The following APOL1 variants were observed in gnomAD, a reference collection of about 807,000 sequenced individuals.
APOL1 encodes the protein apolipoprotein L 1.
A neutral mutation model predicts 14.9 loss-of-function variants in APOL1; 17 were observed. The observed-to-expected ratio is 1.14, with a 90% CI of 0.78 to 1.71. The LOEUF (loss-of-function observed/expected upper bound fraction) is 1.71, where lower values mean the gene tolerates loss of function less well. Ranked by LOEUF, APOL1 falls within the 40% of genes most tolerant of loss-of-function variation. APOL1 has a pLI of 0.00. For synonymous variants in APOL1, 195 were observed against 184.8 expected (o/e 1.05, Z -0.45); for missense variants, 523 against 485.9 (o/e 1.08, Z -0.72).
chr22:36,255,498 T>G lies in APOL1; in HGVS notation c.44+499T>G, dbSNP rs2015843156. On this transcript the variant is annotated intron_variant, in intron 2 of 5. Transcript: ENST00000397278. ...AGCAAGAAGGGCCCAGACGCCCCTC[T>G]GCATACTCCCCTGGTGAACTGCTGC... 2.0e-5 allele frequency among the ~76,000 whole-genome samples: 3 copies of G among 152,006 alleles called. No homozygotes were observed. The South Asian group carries it at 6.2e-4, about 32-fold the overall frequency.
intron 4 of APOL1, chr22:36,259,782 A>C (rs1347374494): frequency 3.1e-6 from 4 of 1,304,004 alleles, no homozygotes; most frequent in Non-Finnish European, 3.0e-6. Context: ...TCCCGCCCCC[A>C]TGCCCCGTCG....
chr22:36,263,627 T>G (rs1249894318), intron 5 of APOL1, among the ~76,000 whole-genome samples: 2 of 152,254 alleles, frequency 1.3e-5, no homozygotes, highest in Non-Finnish European at 2.9e-5. Context: ...CGCTGTGTTC[T>G]CCTGTGTGAA....
In APOL1 at chr22:36,253,489, G is replaced by T. The variant is rs576682062; in HGVS notation, c.-20+270G>T. On this transcript the variant is annotated intron_variant, in intron 1 of 5. Transcript: ENST00000397278. ...ACGACTGAGTGAACCCAGAAGGAAGGTTTGTGTTGGGGGTGCCCATCTCTT... is the reference window on the plus strand; with the variant it reads ...ACGACTGAGTGAACCCAGAAGGAAGTTTTGTGTTGGGGGTGCCCATCTCTT... 9.8e-5 allele frequency among the ~76,000 whole-genome samples: 15 copies of T among 152,334 alleles called. No homozygotes were observed. The Middle Eastern group carries it at 0.027, about 276-fold the overall frequency.
chr22:36,265,560 G>T lies in APOL1; in HGVS notation c.724G>T (p.Asp242Tyr). 1 of 1,602,824 alleles carries T rather than the reference G, an allele frequency of 6.2e-7. No individual in the cohort carries two copies. Among genetic ancestry groups the T allele is most frequent in the African/African-American group, 1.3e-5 (1 of 74,702 alleles). The part of the protein sequence containing the change: ...KKWWTQAQAH[D>Y]LVIKSLDKLK... ...GTGGTGGACACAAGCCCAAGCCCAC[G>T]ACCTGGTCATCAAAAGCCTTGACAA... Residue 242 changes from aspartate (D) to tyrosine (Y), a missense_variant, in exon 6 of 6, where the codon GAC becomes TAC. Physicochemically the swap from Asp to Tyr is radical, Grantham distance 160. Transcript: ENST00000397278.
At chr22:36,265,034 A>C (rs949200325) in intron 5 of APOL1, 117 bp from the exon 6 acceptor site, 7 of 1,311,690 alleles carry the variant, frequency 5.3e-6, no homozygotes, top group Admixed American at 2.3e-5. Flanking sequence ...GATGGTCTCA[A>C]TCTCCTGACC....
chr22:36,261,214 G>T (rs946945776), intron 4 of APOL1, among the ~76,000 whole-genome samples: 1 of 152,228 alleles, frequency 6.6e-6, no homozygotes, highest in African/African-American at 2.4e-5. Flanking sequence ...GGTGCCAAAA[G>T]GGTTGGAGTC....
In APOL1 at chr22:36,257,098, C is replaced by T. The variant is rs1163460752; in HGVS notation, c.60C>T (p.Phe20=). The part of the protein sequence containing the change: ...SVLCIWMSAL[F]LGVGVRAEEA... ...ACCCCAACAGGATGAGTGCACTTTT[C>T]CTTGGTGTGGGAGTGAGGGCAGAGG... Residue 20 remains phenylalanine (F), a synonymous_variant, in exon 3 of 6, where the codon TTC becomes TTT. Transcript: ENST00000397278. 2.5e-6 allele frequency: 4 copies of T among 1,614,028 alleles called. No individual in the cohort carries two copies. Among genetic ancestry groups the T allele is most frequent in the Non-Finnish European group, 3.4e-6 (4 of 1,180,026 alleles).
intron 5 of APOL1, among the ~76,000 whole-genome samples, chr22:36,262,220 C>T (rs1289769505): frequency 6.6e-6 from 1 of 152,104 alleles, no homozygotes. Flanking sequence ...AATGTGTGTT[C>T]CTGGGGATGC....
rs757608622 is a variant in APOL1, at chr22:36,254,975, TGA to T, written c.24_25del (p.Arg8SerfsTer42). On this transcript the variant is annotated frameshift_variant, in exon 2 of 6. Transcript: ENST00000397278. LOFTEE classifies it high-confidence loss of function. ...AGCGACATGGAGGGAGCTGCTTTGC[TGA>T]GAGTCTCTGTCCTCTGCATCTGGTG... The T allele has an allele frequency of 5.6e-6, 9 of 1,614,078 alleles. No homozygotes were observed. Among genetic ancestry groups the T allele is most frequent in the Non-Finnish European group, 6.8e-6 (8 of 1,179,896 alleles).
At position 36,257,569 on chromosome 22, in the gene APOL1, G is replaced by T. The variant is rs983911709; in HGVS notation, c.187+162G>T. 13 of 722,468 alleles carry T rather than the reference G, an allele frequency of 1.8e-5. 1 individual carries two copies. In the South Asian group the frequency reaches 1.8e-4, roughly 10 times the overall value. The allele number at this position is 722,468 out of a possible 1,614,324, so 44.8% of individuals were successfully genotyped here. On this transcript the variant is annotated intron_variant, in intron 4 of 5. Transcript: ENST00000397278. ...TCACGTGGAGTCCCCCGACCCAGGG[G>T]TCTGGGGGTCATCTGCATCCTGACC...
chr22:36,257,401 G>A lies in APOL1; in HGVS notation c.181G>A (p.Asp61Asn). The A allele has an allele frequency of 1.9e-6, 3 of 1,613,958 alleles. No homozygotes were observed. The highest frequency in any genetic ancestry group is 2.5e-6 in the Non-Finnish European group (3 of 1,179,824). ...PLGDWAAGTM[D>N]PESSIFIEDA... ...CGGTGACTGGGCTGCTGGCACCATG[G>A]ACCCAGGTAGGCTCACCTCCTCTTC... Residue 61 changes from aspartate (D) to asparagine (N), a missense_variant, in exon 4 of 6, where the codon GAC becomes AAC. Asp to Asn is a conservative substitution (Grantham distance 23, BLOSUM62 1). Transcript: ENST00000397278.
At chr22:36,260,897 A>G (rs1407563151) in intron 4 of APOL1, among the ~76,000 whole-genome samples, 1 of 152,226 alleles carries the variant, frequency 6.6e-6, no homozygotes, top group Admixed American at 6.5e-5. Context: ...CTGCTTTTGA[A>G]CCAATAATTT....
chr22:36,265,986 A>G lies in APOL1; in HGVS notation c.1150A>G (p.Ile384Val), dbSNP rs373463596. The G allele has an allele frequency of 2.5e-6, 4 of 1,612,730 alleles. No homozygotes were observed. The highest frequency in any genetic ancestry group is 3.4e-6 in the Non-Finnish European group (4 of 1,179,830). Residue 384 changes from isoleucine (I) to valine (V), a missense_variant, in exon 6 of 6, where the codon ATT becomes GTT. Transcript: ENST00000397278. ...VAQELEEKLNILNNNYKILQA... is the reference protein window; with the variant it reads ...VAQELEEKLNVLNNNYKILQA... ...TCAGGAGCTGGAGGAGAAGCTAAAC[A>G]TTCTCAACAATAATTATAAGATTCT...
In APOL1 at chr22:36,260,670, A is replaced by G. The variant is rs572570508; in HGVS notation, c.188-926A>G. ...TTGAAACATGTGTGGGTGTGATTAC[A>G]GGGAGCAGTCCAGCCTCTGCTGGGA... is the stretch of plus-strand genomic sequence containing the variant. On this transcript the variant is annotated intron_variant, in intron 4 of 5. Transcript: ENST00000397278. Among the ~76,000 whole-genome samples, 7 of 152,350 alleles carry G rather than the reference A, an allele frequency of 4.6e-5. No homozygotes were observed. The East Asian group carries it at 1.4e-3, about 29-fold the overall frequency.
Position 36,267,434 on chromosome 22 carries a change from G to A in APOL1, c.*1401G>A, listed in dbSNP as rs907457110. The A allele has an allele frequency of 5.3e-5, 8 of 152,284 alleles. No homozygotes were observed. The highest frequency in any genetic ancestry group is 1.9e-4 in the African/African-American group (8 of 41,448). 9.4% of individuals were successfully genotyped at this position (152,284 alleles called of 1,614,324 possible). ...AGAAAATTAGCATGAAAGCAGTTTA[G>A]CATTGGGAGGAAGCTCAGATCTCTA... On this transcript the variant is annotated 3_prime_UTR_variant, in exon 6 of 6. Transcript: ENST00000397278.
At chr22:36,262,147 T>C (rs1225855191) in intron 5 of APOL1, among the ~76,000 whole-genome samples, 1 of 152,218 alleles carries the variant, frequency 6.6e-6, no homozygotes, top group African/African-American at 2.4e-5. Context: ...GATCTTCTTC[T>C]TGAAGATGGG....
intron 4 of APOL1, among the ~76,000 whole-genome samples, chr22:36,259,455 A>G (rs1213178612): frequency 6.6e-6 from 1 of 152,048 alleles, no homozygotes; most frequent in African/African-American, 2.4e-5. Flanking sequence ...TCCTCCCCTT[A>G]CAGAGTTGCC....
rs1161358320 is a variant in APOL1, at chr22:36,265,476, T to C, written c.640T>C (p.Leu214=). Residue 214 remains leucine (L), a synonymous_variant, in exon 6 of 6, where the codon TTG becomes CTG. Transcript: ENST00000397278. ...SLVLLEPGME[L]GITAALTGIT... ...TGTACTCTTGGAACCTGGGATGGAGTTGGGAATCACAGCCGCTTTGACCGG... is the reference window on the plus strand; with the variant it reads ...TGTACTCTTGGAACCTGGGATGGAGCTGGGAATCACAGCCGCTTTGACCGG... 6.2e-7 allele frequency: 1 copy of C among 1,613,658 alleles called. No homozygotes were observed. The highest frequency in any genetic ancestry group is 1.3e-5 in the African/African-American group (1 of 74,778).
In APOL1 at chr22:36,255,026, G is replaced by A. The variant is rs758353762; in HGVS notation, c.44+27G>A. 2.1e-5 allele frequency: 34 copies of A among 1,601,074 alleles called. No individual in the cohort carries two copies. The Admixed American group carries it at 2.8e-4, about 13-fold the overall frequency. ...TGAGCTTGGCTCAGAGCCCTGAGGC[G>A]GGAGGGAGGGCTCCCTGTCTGGGCT... On this transcript the variant is annotated intron_variant, in intron 2 of 5. Coordinates refer to ENST00000397278, the MANE Select transcript of APOL1 (RefSeq NM_003661.4).
Sources: allele counts gnomAD v4.1 joint callset (sites outside exome capture counted in the v4.1 genomes callset), GRCh38; gene constraint gnomAD v4.1.1; transcripts MANE v1.5; gene names NCBI Gene and HGNC (gene_info 2026-07-23, HGNC 2026-07-21).